The following CMIP variants were observed in gnomAD, a reference collection of about 807,000 sequenced individuals.
CMIP encodes c-Maf inducing protein, also known as C-Maf-inducing protein.
In CMIP, 13 loss-of-function variants were observed where a neutral mutation model predicts 97.3. The observed-to-expected ratio is 0.13, with a 90% CI of 0.09 to 0.21. CMIP has a LOEUF of 0.21. CMIP is among the 10% of genes least tolerant of loss of function. The probability of loss-of-function intolerance (pLI) is 1.00; values close to 1 mark genes in which losing one functional copy is unlikely to be tolerated. For synonymous variants in CMIP, 538 were observed against 436.3 expected, an observed-to-expected ratio of 1.23 and a Z score of -2.91; for missense variants, 847 against 1,024.9, an observed-to-expected ratio of 0.83 and a Z score of 2.37.
chr16:81,652,450 A>C lies in CMIP; in HGVS notation c.639+86A>C. 8.2e-7 allele frequency: 1 copy of C among 1,225,422 alleles called. No homozygotes were observed. The highest frequency in any genetic ancestry group is 1.2e-6 in the Non-Finnish European group (1 of 859,008). 75.9% of individuals were successfully genotyped at this position (1,225,422 alleles called of 1,614,324 possible). On this transcript the variant is annotated intron_variant, in intron 4 of 20. Transcript: ENST00000537098. The surrounding 1 kb of genome is among the most constrained non-coding windows in gnomAD (Gnocchi z 5.2). ...TCCATGCCAAGCAGCAGGCGCAGGCAGAGCTCCGTGTGGGCTGTGTTGTTG... is the reference window on the plus strand; with the variant it reads ...TCCATGCCAAGCAGCAGGCGCAGGCCGAGCTCCGTGTGGGCTGTGTTGTTG...
At chr16:81,505,356 G>T (rs1270072582) in intron 1 of CMIP, among the ~76,000 whole-genome samples, 2 of 152,286 alleles carry the variant, frequency 1.3e-5, no homozygotes, top group East Asian at 1.9e-4. Flanking sequence ...TTTCGCTTCT[G>T]CCTGTTCTTG....
At chr16:81,696,456 T>C in intron 13 of CMIP, 104 bp from the exon 14 acceptor site, 1 of 1,142,352 alleles carries the variant, frequency 8.8e-7, no homozygotes, top group Admixed American at 2.0e-5. Flanking sequence ...GTTTCTTGAC[T>C]GCAGGACTTG....
chr16:81,637,417 G>A (rs2092250724), intron 3 of CMIP, among the ~76,000 whole-genome samples: 1 of 152,136 alleles, frequency 6.6e-6, no homozygotes, highest in Non-Finnish European at 1.5e-5. Flanking sequence ...TTTAGTCAGT[G>A]TCCTACTGAA....
chr16:81,520,982 G>A (rs1046925179), intron 1 of CMIP, among the ~76,000 whole-genome samples: 2 of 152,208 alleles, frequency 1.3e-5, no homozygotes, highest in Admixed American at 6.5e-5. Flanking sequence ...GCGGTGGCAT[G>A]TGTCAGAAAA....
chr16:81,518,869 C>G (rs1429124380), intron 1 of CMIP: 1 of 144,028 alleles, frequency 6.9e-6, no homozygotes, highest in Non-Finnish European at 1.5e-5. Context: ...CAGAGTCTCA[C>G]TCTGTTGCCC....
chr16:81,606,882 A>T (rs962778721), intron 1 of CMIP: 1 of 154,996 alleles, frequency 6.5e-6, no homozygotes, highest in African/African-American at 2.4e-5. Flanking sequence ...AGAAGCGCAG[A>T]TGCCAGGGGT....
chr16:81,567,557 C>T (rs2091004571), intron 1 of CMIP, among the ~76,000 whole-genome samples: 1 of 152,228 alleles, frequency 6.6e-6, no homozygotes, highest in Non-Finnish European at 1.5e-5. Flanking sequence ...GTTTCCACTT[C>T]ACACCTTCAG....
intron 13 of CMIP, chr16:81,696,168 C>T: frequency 3.5e-6 from 1 of 286,286 alleles, no homozygotes; most frequent in Non-Finnish European, 6.7e-6. Flanking sequence ...CAGGAGATGG[C>T]CCCACCCAGA....
At chr16:81,549,703 T>C (rs1045551215) in intron 1 of CMIP, among the ~76,000 whole-genome samples, 1 of 152,196 alleles carries the variant, frequency 6.6e-6, no homozygotes. Context: ...GACTGGCCTT[T>C]GCTAGACCTG....
intron 3 of CMIP, among the ~76,000 whole-genome samples, chr16:81,625,517 A>T (rs1016087275): frequency 6.6e-6 from 1 of 152,258 alleles, no homozygotes; most frequent in Admixed American, 6.5e-5. Flanking sequence ...ACACGAGGCC[A>T]TGAAGGCCCA....
At chr16:81,465,424 C>T (rs549888297) in intron 1 of CMIP, among the ~76,000 whole-genome samples, 1 of 152,116 alleles carries the variant, frequency 6.6e-6, no homozygotes, top group Non-Finnish European at 1.5e-5. Flanking sequence ...CAGGATGCAC[C>T]CCGTGTCTGA....
chr16:81,495,996 C>A (rs999847186), intron 1 of CMIP, among the ~76,000 whole-genome samples: 1 of 152,106 alleles, frequency 6.6e-6, no homozygotes, highest in Non-Finnish European at 1.5e-5. Flanking sequence ...CTGGCAGGGG[C>A]GCAAAGGAAG....
intron 1 of CMIP, among the ~76,000 whole-genome samples, chr16:81,601,410 C>T (rs1163139314): frequency 6.6e-6 from 1 of 152,080 alleles, no homozygotes; most frequent in Non-Finnish European, 1.5e-5. Context: ...CCAATGGGGG[C>T]TCTTTCTGGG....
intron 14 of CMIP, among the ~76,000 whole-genome samples, chr16:81,699,119 G>C (rs1907094952): frequency 6.6e-6 from 1 of 152,130 alleles, no homozygotes; most frequent in Non-Finnish European, 1.5e-5. Context: ...CAGGTATGGT[G>C]GTGCATGCCT....
At chr16:81,493,347 TCCGCGTTAC>T in intron 1 of CMIP, among the ~76,000 whole-genome samples, 1 of 147,134 alleles carries the variant, frequency 6.8e-6, no homozygotes, top group Admixed American at 6.9e-5. Flanking sequence ...TCACTCACCC[TCCGCGTTAC>T]CTGTCGTTAC....
rs1171585900 is a variant in CMIP, at chr16:81,691,849, C to T, written c.1454+9C>T. On this transcript the variant is annotated intron_variant, in intron 11 of 20. Coordinates refer to ENST00000537098, the MANE Select transcript of CMIP (RefSeq NM_198390.3). ...ATTCCATTCCCCAAAGAGTAAGTCC[C>T]GTGTGCATCCCCGGAGCCCTCCCAC... The T allele has an allele frequency of 3.1e-6, 5 of 1,612,082 alleles. No individual in the cohort carries two copies. Among genetic ancestry groups the T allele is most frequent in the Admixed American group, 1.7e-5 (1 of 59,988 alleles).
At chr16:81,693,731 C>T (rs951672961) in intron 13 of CMIP, among the ~76,000 whole-genome samples, 8 of 152,196 alleles carry the variant, frequency 5.3e-5, no homozygotes, top group Non-Finnish European at 8.8e-5. Context: ...TGCCCGCAGC[C>T]GAGGCCTTGA....
chr16:81,597,575 G>A lies in CMIP; in HGVS notation c.301-9992G>A, dbSNP rs187835908. ...AGGTGGGAAGAGCCCTGGAGATGTG[G>A]GAGGTGAGCGAGGGGAGCGGGGGGG... On this transcript the variant is annotated intron_variant, in intron 1 of 20. Transcript: ENST00000537098. 2.4e-3 allele frequency among the ~76,000 whole-genome samples: 363 copies of A among 149,364 alleles called. 1 individual carries two copies. The highest frequency in any genetic ancestry group is 3.8e-3 in the Non-Finnish European group (260 of 67,784).
At chr16:81,495,613 G>C (rs2089476232) in intron 1 of CMIP, 4 of 1,054,740 alleles carry the variant, frequency 3.8e-6, no homozygotes, top group Non-Finnish European at 5.6e-6. Flanking sequence ...AGGGTGGGCA[G>C]GTGTGTCTGC....
Sources: gnomAD v4.1 joint callset for allele counts (sites outside exome capture counted in the v4.1 genomes callset) on GRCh38, gnomAD v4.1.1 for gene constraint, Gnocchi (gnomAD v3.1) non-coding constraint, MANE v1.5 for transcripts, NCBI Gene and HGNC (gene_info 2026-07-23, HGNC 2026-07-21) for gene names.